ADAMTS19: variants seen among roughly 807,000 people sequenced by gnomAD.
The protein encoded by ADAMTS19 is A disintegrin and metalloproteinase with thrombospondin motifs 19.
ADAMTS19 carries 93 observed loss-of-function variants against 153.3 expected under a neutral mutation model. The observed-to-expected ratio is 0.61, with a 90% CI of 0.51 to 0.72. The LOEUF is 0.72. Among genes scored for constraint, ADAMTS19 ranks in the 30% least tolerant of loss-of-function variants. ADAMTS19 has a pLI of 0.00. For missense variants in ADAMTS19, 1,482 were observed against 1,552.1 expected, an observed-to-expected ratio of 0.95 and a Z score of 0.76; for synonymous variants, 600 against 556.6, an observed-to-expected ratio of 1.08 and a Z score of -1.10.
chr5:129,543,229 T>C (rs1430235140), intron 6 of ADAMTS19, among the ~76,000 whole-genome samples: 3 of 151,954 alleles, frequency 2.0e-5, no homozygotes, highest in African/African-American at 7.3e-5. Flanking sequence ...TTTTGTATTT[T>C]TTTTAGTAGA....
At chr5:129,653,094 ACTGT>A (rs1411538373) in intron 13 of ADAMTS19, among the ~76,000 whole-genome samples, 2 of 152,166 alleles carry the variant, frequency 1.3e-5, no homozygotes, top group Non-Finnish European at 2.9e-5. Context: ...GGTTCATTTA[ACTGT>A]CTGTCTTCTC....
chr5:129,648,811 G>A lies in ADAMTS19; in HGVS notation c.2017G>A (p.Ala673Thr), dbSNP rs1386286253. 3.1e-6 allele frequency: 5 copies of A among 1,612,764 alleles called. No individual in the cohort carries two copies. In the African/African-American group the frequency reaches 4.0e-5, roughly 13 times the overall value. ...ERKCPGLDSE[A>T]RDCNGPRKQY... is the part of the protein sequence containing the mutation. Reference sequence around the variant, plus strand: ...TTTCTTTTCTAGGCTAGATTCTGAAGCAAGGGATTGTAATGGTCCCAGAAA... The same window carrying A: ...TTTCTTTTCTAGGCTAGATTCTGAAACAAGGGATTGTAATGGTCCCAGAAA... Residue 673 changes from alanine (A) to threonine (T), a missense_variant, in exon 13 of 23, where the codon GCA becomes ACA. Ala to Thr is a moderately conservative substitution (Grantham distance 58). Around this residue, in one of 2 missense-constraint regions of ADAMTS19, gnomAD observed 616 missense variants for 724.4 expected, o/e 0.85. Coordinates refer to ENST00000274487, the MANE Select transcript of ADAMTS19 (RefSeq NM_133638.6).
chr5:129,556,820 G>C (rs949758510), intron 7 of ADAMTS19, among the ~76,000 whole-genome samples: 1 of 152,120 alleles, frequency 6.6e-6, no homozygotes, highest in African/African-American at 2.4e-5. Flanking sequence ...CAAAAACAAG[G>C]AAATAGAATC....
intron 17 of ADAMTS19, among the ~76,000 whole-genome samples, chr5:129,681,344 T>C (rs1027781181): frequency 2.6e-5 from 4 of 152,176 alleles, no homozygotes; most frequent in African/African-American, 9.7e-5. Flanking sequence ...TCTATATAAC[T>C]GCAATTAATA....
intron 18 of ADAMTS19, among the ~76,000 whole-genome samples, chr5:129,690,212 T>C (rs1026242889): frequency 3.3e-5 from 5 of 152,204 alleles, no homozygotes; most frequent in African/African-American, 1.2e-4. Context: ...TAAAATCACC[T>C]TACTCAGTGA....
chr5:129,509,297 C>T (rs1751359562), intron 3 of ADAMTS19, 55 bp downstream of exon 3: 1 of 1,489,056 alleles, frequency 6.7e-7, no homozygotes, highest in African/African-American at 1.4e-5. Flanking sequence ...GAGATGACTA[C>T]TTTAAAAAAA....
At chr5:129,583,017 CA>C (rs1158022884) in intron 7 of ADAMTS19, among the ~76,000 whole-genome samples, 3 of 152,084 alleles carry the variant, frequency 2.0e-5, no homozygotes, top group African/African-American at 7.2e-5. Flanking sequence ...GTGATCTTTA[CA>C]ATTTGGTATG....
rs191990769 is a variant in ADAMTS19, at chr5:129,647,496, C to T, written c.1873-269C>T. On this transcript the variant is annotated intron_variant, in intron 11 of 22. Transcript: ENST00000274487. ...CAGATTCCCTACCCATAATCTTTAC[C>T]CTGTCTCCATCACAAAAACTGAATT... 7.1e-3 allele frequency among the ~76,000 whole-genome samples: 1,084 copies of T among 152,042 alleles called. 13 individuals are homozygous for T. Among genetic ancestry groups the T allele is most frequent in the African/African-American group, 0.025 (1,035 of 41,456 alleles).
At chr5:129,623,825 T>A (rs1044394412) in intron 10 of ADAMTS19, among the ~76,000 whole-genome samples, 1 of 151,334 alleles carries the variant, frequency 6.6e-6, no homozygotes, top group Non-Finnish European at 1.5e-5. Context: ...ATGTGATGTG[T>A]AAAAGGCTGT....
intron 8 of ADAMTS19, among the ~76,000 whole-genome samples, chr5:129,600,707 G>A (rs903860337): frequency 7.2e-5 from 11 of 152,082 alleles, no homozygotes; most frequent in South Asian, 2.1e-4. Context: ...AAAATGTATC[G>A]ACTTTCTCCT....
At chr5:129,498,619 C>T (rs2126705326) in intron 2 of ADAMTS19, among the ~76,000 whole-genome samples, 1 of 152,086 alleles carries the variant, frequency 6.6e-6, no homozygotes, top group East Asian at 1.9e-4. Context: ...TTGAGTTTCT[C>T]CCACATATCT....
chr5:129,583,298 T>A (rs1333150379), intron 7 of ADAMTS19, among the ~76,000 whole-genome samples: 3 of 152,202 alleles, frequency 2.0e-5, no homozygotes, highest in Admixed American at 6.5e-5. Context: ...CTGATGGGCT[T>A]CCCTTTGTGG....
intron 21 of ADAMTS19, among the ~76,000 whole-genome samples, chr5:129,718,204 C>G (rs898658371): frequency 1.8e-4 from 28 of 152,108 alleles, no homozygotes; most frequent in African/African-American, 6.5e-4. Flanking sequence ...ATTATTTTGA[C>G]AGTCCTTTCA....
intron 2 of ADAMTS19, among the ~76,000 whole-genome samples, chr5:129,495,697 T>C (rs1750904351): frequency 6.6e-6 from 1 of 152,114 alleles, no homozygotes. Flanking sequence ...TTGGGTTGAA[T>C]TTGGAACCAA....
chr5:129,678,273 T>C (rs1412847572), intron 16 of ADAMTS19, among the ~76,000 whole-genome samples: 1 of 152,188 alleles, frequency 6.6e-6, no homozygotes, highest in Non-Finnish European at 1.5e-5. Context: ...TTAAGACCTT[T>C]CCATGTATGG....
intron 21 of ADAMTS19, among the ~76,000 whole-genome samples, chr5:129,729,202 C>T (rs1757333116): frequency 6.6e-6 from 1 of 151,916 alleles, no homozygotes; most frequent in Non-Finnish European, 1.5e-5. Flanking sequence ...TAATTAGAAG[C>T]CAGGTCTCCT....
chr5:129,538,859 T>G (rs763527740), intron 6 of ADAMTS19, among the ~76,000 whole-genome samples: 55 of 152,148 alleles, frequency 3.6e-4, no homozygotes, highest in Admixed American at 6.6e-5. Flanking sequence ...AGTATAACTT[T>G]TAAATATATT....
At chr5:129,578,502 A>T (rs899078740) in intron 7 of ADAMTS19, among the ~76,000 whole-genome samples, 3 of 151,700 alleles carry the variant, frequency 2.0e-5, no homozygotes, top group Admixed American at 1.3e-4. Context: ...CAGAATGTGC[A>T]GGTTACATAG....
In ADAMTS19 at chr5:129,509,233, A is replaced by G; in HGVS notation, c.904A>G (p.Ile302Val). 6.2e-7 allele frequency: 1 copy of G among 1,609,774 alleles called. No individual in the cohort carries two copies. Among genetic ancestry groups the G allele is most frequent in the Non-Finnish European group, 8.5e-7 (1 of 1,177,662 alleles). The change falls in exon 3 of 23, where the codon ATC becomes GTC. Residue 302 changes from isoleucine to valine, a missense_variant. Ile to Val is a conservative substitution (Grantham distance 29). This residue lies in a region of ADAMTS19 where 866 missense variants were observed against 827.7 expected (regional missense o/e 1.05). Coordinates refer to ENST00000274487, the MANE Select transcript of ADAMTS19 (RefSeq NM_133638.6). ...KSALHSHYCG[I>V]ISDKGRPRSR... Reference sequence around the variant, plus strand: ...AGCTCTTCACAGTCATTACTGTGGTATCATTTCAGGTAAATGCCTTCTCCT... The same window carrying G: ...AGCTCTTCACAGTCATTACTGTGGTGTCATTTCAGGTAAATGCCTTCTCCT...
Sources: allele counts gnomAD v4.1 joint callset (sites outside exome capture counted in the v4.1 genomes callset), GRCh38; gene constraint gnomAD v4.1.1; regional missense constraint gnomAD v4.1.1; transcripts MANE v1.5; gene names NCBI Gene and HGNC (gene_info 2026-07-23, HGNC 2026-07-21).